PSEN1: variants seen among roughly 807,000 people sequenced by gnomAD.
The protein encoded by PSEN1 is presenilin-1.
A neutral mutation model predicts 53.5 loss-of-function variants in PSEN1; 15 were observed. The ratio of observed to expected loss-of-function variants is 0.28; its 90% confidence interval spans 0.19 to 0.43. The LOEUF (loss-of-function observed/expected upper bound fraction) is 0.43. Among genes scored for constraint, PSEN1 ranks in the 20% least tolerant of loss-of-function variants. PSEN1 has a pLI of 1.00. For missense variants in PSEN1, 387 were observed against 571.2 expected (o/e 0.68, Z 3.29); for synonymous variants, 208 against 209.8 (o/e 0.99, Z 0.08).
intron 8 of PSEN1, chr14:73,206,009 A>G (rs1230907692): frequency 4.1e-6 from 1 of 242,686 alleles, no homozygotes; most frequent in Non-Finnish European, 8.2e-6. Flanking sequence ...TTGAATTATA[A>G]TCACCATCTG....
rs1308398308 is a variant in PSEN1 at position 73,219,348 on chromosome 14, A to C, written c.*59A>C. 2 of 1,535,178 alleles carry C rather than the reference A, an allele frequency of 1.3e-6. No homozygotes were observed. Among genetic ancestry groups the C allele is most frequent in the Non-Finnish European group, 1.8e-6 (2 of 1,112,416 alleles). On this transcript the variant is annotated 3_prime_UTR_variant, in exon 12 of 12. Coordinates refer to ENST00000324501, the MANE Select transcript of PSEN1 (RefSeq NM_000021.4). ...TCTTTGACTATAACAAAATCTGGGG[A>C]GGACAAAGGTGATTTTCCTGTGTCC...
chr14:73,199,382 T>C (rs898160540), intron 8 of PSEN1, among the ~76,000 whole-genome samples: 1 of 152,164 alleles, frequency 6.6e-6, no homozygotes, highest in Non-Finnish European at 1.5e-5. Flanking sequence ...CTACAGGAAG[T>C]AGAGGAAAAT....
intron 3 of PSEN1, among the ~76,000 whole-genome samples, chr14:73,162,315 C>G (rs1040466977): frequency 6.6e-6 from 1 of 151,954 alleles, no homozygotes; most frequent in Non-Finnish European, 1.5e-5. Flanking sequence ...AATCTAAGCA[C>G]TTGCTAACAT....
chr14:73,165,935 A>G (rs1897701056), intron 3 of PSEN1, among the ~76,000 whole-genome samples: 1 of 151,938 alleles, frequency 6.6e-6, no homozygotes, highest in African/African-American at 2.4e-5. Context: ...GGATGCCGAT[A>G]ATCCCAGCTC....
intron 3 of PSEN1, among the ~76,000 whole-genome samples, chr14:73,153,356 C>G (rs908323963): frequency 1.3e-5 from 2 of 152,176 alleles, no homozygotes; most frequent in African/African-American, 4.8e-5. Context: ...CCTAACATAA[C>G]AGCCCCATAA....
At chr14:73,167,480 A>AC (rs1897750848) in intron 3 of PSEN1, among the ~76,000 whole-genome samples, 1 of 152,216 alleles carries the variant, frequency 6.6e-6, no homozygotes, top group South Asian at 2.1e-4. Flanking sequence ...AGGATACTGA[A>AC]CCTTTAATCC....
chr14:73,212,367 C>T (rs1003789691), intron 10 of PSEN1, among the ~76,000 whole-genome samples: 2 of 152,058 alleles, frequency 1.3e-5, no homozygotes, highest in Admixed American at 6.6e-5. Flanking sequence ...CCTTAGCCTC[C>T]CAAAGTGCTG....
At chr14:73,173,820 A>G (rs912725051) in intron 5 of PSEN1, 113 bp downstream of exon 5, 2 of 1,301,186 alleles carry the variant, frequency 1.5e-6, no homozygotes, top group Non-Finnish European at 2.2e-6. Flanking sequence ...TCTTCTAGAG[A>G]TAAGTTAATT....
intron 3 of PSEN1, among the ~76,000 whole-genome samples, chr14:73,148,631 C>T (rs1016346914): frequency 3.3e-5 from 5 of 152,162 alleles, no homozygotes; most frequent in Non-Finnish European, 5.9e-5. Context: ...ACTAGCTAAT[C>T]ATCATAAAGT....
At chr14:73,191,924 A>C (rs1372331871) in intron 6 of PSEN1, among the ~76,000 whole-genome samples, 1 of 152,176 alleles carries the variant, frequency 6.6e-6, no homozygotes. Flanking sequence ...TTGTTAGCAC[A>C]TGTTTAATTT....
At chr14:73,192,612 C>G in intron 6 of PSEN1, 32 bp from the exon 7 acceptor site, 2 of 1,430,644 alleles carry the variant, frequency 1.4e-6, no homozygotes, top group East Asian at 4.5e-5. Flanking sequence ...AATTATTGTA[C>G]ATCTTTTAAA....
chr14:73,198,039 G>T lies in PSEN1; in HGVS notation c.778G>T (p.Ala260Ser). 2 of 1,595,820 alleles carry T rather than the reference G, an allele frequency of 1.3e-6. No individual in the cohort carries two copies. Among genetic ancestry groups the T allele is most frequent in the Non-Finnish European group, 1.7e-6 (2 of 1,164,130 alleles). ...TGTTTTTCTTTTTCTAGATTTAGTG[G>T]CTGTTTTGTGTCCGAAAGGTCCACT... ...LAVISVYDLV[A>S]VLCPKGPLRM... Residue 260 changes from alanine to serine, a missense_variant, in exon 8 of 12, where the codon GCT becomes TCT. Transcript: ENST00000324501.
At chr14:73,148,984 G>C (rs1370366980) in intron 3 of PSEN1, among the ~76,000 whole-genome samples, 1 of 152,058 alleles carries the variant, frequency 6.6e-6, no homozygotes, top group Non-Finnish European at 1.5e-5. Flanking sequence ...GAAAAGAAAA[G>C]AGAGAGAGCA....
intron 1 of PSEN1, among the ~76,000 whole-genome samples, chr14:73,146,373 T>C (rs1250811292): frequency 6.6e-6 from 1 of 151,900 alleles, no homozygotes; most frequent in Non-Finnish European, 1.5e-5. Context: ...TTTGTAGAGA[T>C]AGTGTTTTCC....
rs1900115749 is a variant in PSEN1, at chr14:73,221,421, A to G, written c.*2132A>G. 1 of 152,210 alleles carries G rather than the reference A, an allele frequency of 6.6e-6. No individual in the cohort carries two copies. Among genetic ancestry groups the G allele is most frequent in the Non-Finnish European group, 1.5e-5 (1 of 68,040 alleles). 9.4% of individuals were successfully genotyped at this position (152,210 alleles called of 1,614,324 possible). On this transcript the variant is annotated 3_prime_UTR_variant, in exon 12 of 12. Coordinates refer to ENST00000324501, the MANE Select transcript of PSEN1 (RefSeq NM_000021.4). ...GGATCCCAAATGTGTTGCACCTTTC[A>G]TGATACATTTCTTCTCTGAAGAGGG...
At chr14:73,189,888 C>A in intron 6 of PSEN1, 1 of 204,482 alleles carries the variant, frequency 4.9e-6, no homozygotes, top group South Asian at 7.5e-5. Context: ...TGTTGGTCTC[C>A]CTTGACCGGG....
At chr14:73,209,181 G>A (rs954463405) in intron 9 of PSEN1, among the ~76,000 whole-genome samples, 6 of 152,152 alleles carry the variant, frequency 3.9e-5, no homozygotes, top group African/African-American at 1.2e-4. Context: ...GTGGGAGTGC[G>A]GGACTTCTGC....
At chr14:73,186,951 A>C in intron 6 of PSEN1, 31 bp downstream of exon 6, 1 of 1,484,788 alleles carries the variant, frequency 6.7e-7, no homozygotes, top group Non-Finnish European at 9.4e-7. Flanking sequence ...TCTGTCTTTC[A>C]GAATTAACTA....
At chr14:73,181,493 A>C (rs4899458) in intron 5 of PSEN1, among the ~76,000 whole-genome samples, 6,080 of 152,280 alleles carry the variant, frequency 0.04, 219 homozygotes, top group African/African-American at 0.1. Flanking sequence ...GTGCAGTGGC[A>C]CGGACCTGTA....
Sources: gnomAD v4.1 joint callset for allele counts (sites outside exome capture counted in the v4.1 genomes callset) on GRCh38, gnomAD v4.1.1 for gene constraint, MANE v1.5 for transcripts, NCBI Gene and HGNC (gene_info 2026-07-23, HGNC 2026-07-21) for gene names.